The following STPG2 variants were observed in gnomAD, a reference collection of about 807,000 sequenced individuals.
STPG2 encodes the protein sperm-tail PG-rich repeat-containing protein 2.
Under a neutral mutation model 54.2 loss-of-function variants are expected in STPG2, and 56 were observed. The ratio of observed to expected loss-of-function variants is 1.03; its 90% CI spans 0.83 to 1.29. STPG2 has a LOEUF of 1.29. Ranked by LOEUF, STPG2 falls within the 50% of genes most tolerant of loss-of-function variation. STPG2 has a pLI of 0.00. For missense variants in STPG2, 596 were observed against 544.9 expected (o/e 1.09, Z -0.93); for synonymous variants, 200 against 181.8 (o/e 1.10, Z -0.81).
At chr4:98,139,757 T>C (rs575279082) in intron 1 of STPG2, among the ~76,000 whole-genome samples, 202 of 152,296 alleles carry the variant, frequency 1.3e-3, no homozygotes, top group African/African-American at 4.7e-3. Context: ...AACAAGACAC[T>C]ATCCTATAAA....
chr4:97,501,046 G>A (rs1730715014), intron 4 of STPG2, among the ~76,000 whole-genome samples: 2 of 152,024 alleles, frequency 1.3e-5, no homozygotes, highest in South Asian at 4.1e-4. Flanking sequence ...AGAAAATGTT[G>A]ATGATGGAGG....
At chr4:98,006,082 G>C (rs1338482843) in intron 5 of STPG2, among the ~76,000 whole-genome samples, 1 of 152,140 alleles carries the variant, frequency 6.6e-6, no homozygotes, top group Admixed American at 6.6e-5. Context: ...AGATTAGAAG[G>C]TTCTCCAGCA....
At chr4:97,982,236 A>C (rs2149263839) in intron 5 of STPG2, among the ~76,000 whole-genome samples, 1 of 152,270 alleles carries the variant, frequency 6.6e-6, no homozygotes, top group East Asian at 1.9e-4. Context: ...AAGATGCATG[A>C]ATAAAAATAA....
At chr4:98,025,628 G>A (rs936045938) in intron 5 of STPG2, 13 of 801,484 alleles carry the variant, frequency 1.6e-5, no homozygotes, top group East Asian at 4.9e-5. Context: ...ATATGCACAC[G>A]AACTGCCAAA....
chr4:97,901,004 C>A (rs1010479441), intron 8 of STPG2, among the ~76,000 whole-genome samples: 1 of 151,744 alleles, frequency 6.6e-6, no homozygotes, highest in Admixed American at 6.6e-5. Context: ...AATCAGGCAA[C>A]ACTCAAAGAA....
chr4:97,677,735 A>G (rs935357597), intron 10 of STPG2, among the ~76,000 whole-genome samples: 3 of 152,192 alleles, frequency 2.0e-5, no homozygotes, highest in African/African-American at 7.2e-5. Flanking sequence ...AAGGGTGAAG[A>G]CACATGGCCA....
chr4:98,059,908 A>G (rs1737591493), intron 5 of STPG2, among the ~76,000 whole-genome samples: 1 of 152,106 alleles, frequency 6.6e-6, no homozygotes, highest in Admixed American at 6.6e-5. Flanking sequence ...TTGAAGAAAC[A>G]TCCCTAAAAT....
intron 9 of STPG2, among the ~76,000 whole-genome samples, chr4:97,821,813 G>A (rs1488993621): frequency 6.6e-6 from 1 of 152,196 alleles, no homozygotes; most frequent in Non-Finnish European, 1.5e-5. Flanking sequence ...TGAGTGGCCT[G>A]AATGCCAGAG....
intron 4 of STPG2, among the ~76,000 whole-genome samples, chr4:97,457,391 C>A (rs1251443835): frequency 6.6e-6 from 1 of 152,200 alleles, no homozygotes; most frequent in Non-Finnish European, 1.5e-5. Context: ...TGTAATCAAA[C>A]CAAACCCAAC....
intron 10 of STPG2, among the ~76,000 whole-genome samples, chr4:97,589,590 AT>A (rs369934330): frequency 7.7e-4 from 117 of 152,174 alleles, no homozygotes; most frequent in African/African-American, 2.6e-3. Flanking sequence ...AATAGCAAAT[AT>A]TTTAGCCTCT....
intron 9 of STPG2, among the ~76,000 whole-genome samples, chr4:97,748,232 G>A (rs2149043549): frequency 6.6e-6 from 1 of 151,604 alleles, no homozygotes; most frequent in Non-Finnish European, 1.5e-5. Flanking sequence ...TTACTGCTAT[G>A]AGGAAGATAA....
chr4:97,962,777 A>G (rs1560611818), intron 7 of STPG2, among the ~76,000 whole-genome samples: 1 of 152,224 alleles, frequency 6.6e-6, no homozygotes, highest in Non-Finnish European at 1.5e-5. Context: ...TCAGTGGCAG[A>G]GCAAAAAAGT....
chr4:97,559,844 C>A (rs905214045), intron 10 of STPG2, among the ~76,000 whole-genome samples: 1 of 152,176 alleles, frequency 6.6e-6, no homozygotes, highest in African/African-American at 2.4e-5. Context: ...TTAACCAACA[C>A]TTCATTACTC....
chr4:97,952,679 G>A (rs144802053), intron 7 of STPG2, among the ~76,000 whole-genome samples: 265 of 152,250 alleles, frequency 1.7e-3, no homozygotes, highest in African/African-American at 6.3e-3. Flanking sequence ...GGGATGGCAG[G>A]GGAGGGTCAT....
chr4:97,549,944 T>C (rs575835563), intron 4 of STPG2, among the ~76,000 whole-genome samples: 80 of 152,320 alleles, frequency 5.3e-4, no homozygotes, highest in African/African-American at 1.9e-3. Context: ...ACTAATACAG[T>C]ATATTTATGA....
At chr4:97,962,227 A>T (rs1379429910) in intron 7 of STPG2, among the ~76,000 whole-genome samples, 2 of 152,154 alleles carry the variant, frequency 1.3e-5, no homozygotes, top group African/African-American at 2.4e-5. Flanking sequence ...GAAGGGAAAG[A>T]GGAATAAAGG....
intron 4 of STPG2, among the ~76,000 whole-genome samples, chr4:97,551,572 C>T (rs1203700585): frequency 2.0e-5 from 3 of 152,186 alleles, no homozygotes; most frequent in African/African-American, 2.4e-5. Context: ...TTCTCATCAA[C>T]ATCATCTTCT....
chr4:97,813,313 C>T (rs563738091), intron 9 of STPG2, among the ~76,000 whole-genome samples: 10 of 152,114 alleles, frequency 6.6e-5, no homozygotes, highest in South Asian at 6.2e-4. Flanking sequence ...TAGGATCATT[C>T]GTGCAACAAG....
intron 5 of STPG2, among the ~76,000 whole-genome samples, chr4:98,056,986 T>G (rs1300711973): frequency 1.3e-5 from 2 of 152,156 alleles, no homozygotes; most frequent in African/African-American, 4.8e-5. Flanking sequence ...CAGTTAAACC[T>G]CTTTTCTTCA....
Sources: allele counts gnomAD v4.1 joint callset (sites outside exome capture counted in the v4.1 genomes callset), GRCh38; gene constraint gnomAD v4.1.1; transcripts MANE v1.5; gene names NCBI Gene and HGNC (gene_info 2026-07-23, HGNC 2026-07-21).